CCNY: variants seen among roughly 807,000 people sequenced by gnomAD.
CCNY encodes the protein cyclin Y.
Under a neutral mutation model 42.8 loss-of-function variants are expected in CCNY, and 19 were observed. The ratio of observed to expected loss-of-function variants is 0.44; its 90% CI spans 0.31 to 0.65. The LOEUF (loss-of-function observed/expected upper bound fraction) is 0.65, where lower values mean the gene tolerates loss of function less well. Among genes scored for constraint, CCNY ranks in the 30% least tolerant of loss-of-function variants. The pLI, the probability that CCNY is intolerant of heterozygous loss-of-function variation, is 0.07. For missense variants in CCNY, 370 were observed against 437.3 expected, an observed-to-expected ratio of 0.85 and a Z score of 1.37; for synonymous variants, 165 against 162.7, an observed-to-expected ratio of 1.01 and a Z score of -0.11.
chr10:35,515,554 G>A lies in CCNY; in HGVS notation c.265-969G>A, dbSNP rs142618429. On this transcript the variant is annotated intron_variant, in intron 3 of 9. Coordinates refer to ENST00000374704, the MANE Select transcript of CCNY (RefSeq NM_145012.6). ...TGTACACCCAGGGTGTGTTGCAGGC[G>A]GGCAGGTCAGGCAGAAGACATTGTG... Among the ~76,000 whole-genome samples the A allele has an allele frequency of 3.6e-3, 542 of 152,210 alleles. 5 individuals carry two copies. Among genetic ancestry groups the A allele is most frequent in the African/African-American group, 0.013 (524 of 41,528 alleles).
At chr10:35,543,609 T>C (rs1841049056) in intron 7 of CCNY, among the ~76,000 whole-genome samples, 1 of 151,216 alleles carries the variant, frequency 6.6e-6, no homozygotes, top group Non-Finnish European at 1.5e-5. Context: ...ACGGTACATA[T>C]AATACTTGAT....
At chr10:35,347,879 A>G (rs887582150) in intron 1 of CCNY, among the ~76,000 whole-genome samples, 1 of 152,172 alleles carries the variant, frequency 6.6e-6, no homozygotes, top group African/African-American at 2.4e-5. Context: ...TAGTTGTTTA[A>G]AAGTCCAGGT....
chr10:35,308,092 C>T (rs956568296), intron 3 of CCNY, among the ~76,000 whole-genome samples: 2 of 151,012 alleles, frequency 1.3e-5, no homozygotes, highest in African/African-American at 4.9e-5. Context: ...GCTGGGATTA[C>T]AGGCATAAGC....
rs567630208 is a variant in CCNY at position 35,572,160 on chromosome 10, A to G, written c.*2990A>G. ...CCTGCTCTCGGGCTTGGGCAGAGCC[A>G]TCTCCATCCTGGGGTTTCCTTTAAG... is the stretch of plus-strand genomic sequence containing the variant. On this transcript the variant is annotated 3_prime_UTR_variant, in exon 10 of 10. Transcript: ENST00000374704. 1.7e-3 allele frequency: 263 copies of G among 152,352 alleles called. No homozygotes were observed. The highest frequency in any genetic ancestry group is 3.4e-3 in the Middle Eastern group (1 of 294). 9.4% of individuals were successfully genotyped at this position (152,352 alleles called of 1,614,324 possible). A position where few individuals can be genotyped will look rare whatever the true frequency, so the allele number is the denominator to read the frequency against.
rs185487596 is a variant in CCNY, at chr10:35,422,074, T to C, written c.155-61330T>C. On this transcript the variant is annotated intron_variant, in intron 1 of 9. Coordinates refer to ENST00000374704, the MANE Select transcript of CCNY (RefSeq NM_145012.6). ...GCCTGCACTCTTAAATGCTATTCTA[T>C]ATTCTTTTTAAAACATTTTTTTGAC... 5.3e-4 allele frequency among the ~76,000 whole-genome samples: 80 copies of C among 152,318 alleles called. 1 individual carries two copies. Among genetic ancestry groups the C allele is most frequent in the Non-Finnish European group, 9.9e-4 (67 of 68,020 alleles).
rs111396004 is a variant in CCNY at position 35,488,554 on chromosome 10, G to C, written c.229+5076G>C. On this transcript the variant is annotated intron_variant, in intron 2 of 9. Coordinates refer to ENST00000374704, the MANE Select transcript of CCNY (RefSeq NM_145012.6). Reference sequence around the variant, plus strand: ...CAGTTGCTCGGTGTGTCTCCTTCAGGGCATGTCAAGTGCCATAGGGAAGAC... The same window carrying C: ...CAGTTGCTCGGTGTGTCTCCTTCAGCGCATGTCAAGTGCCATAGGGAAGAC... 3.4e-3 allele frequency among the ~76,000 whole-genome samples: 510 copies of C among 152,092 alleles called. 4 individuals are homozygous for C. Among genetic ancestry groups the C allele is most frequent in the African/African-American group, 0.012 (480 of 41,404 alleles).
chr10:35,268,444 C>G (rs1191844766), intron 3 of CCNY, among the ~76,000 whole-genome samples: 1 of 152,174 alleles, frequency 6.6e-6, no homozygotes, highest in Non-Finnish European at 1.5e-5. Flanking sequence ...GGCTTCCCTG[C>G]CCCCGTGGTT....
intron 3 of CCNY, among the ~76,000 whole-genome samples, chr10:35,257,389 C>A (rs1056043090): frequency 6.6e-6 from 1 of 151,172 alleles, no homozygotes; most frequent in African/African-American, 2.4e-5. Flanking sequence ...GTGATCCTCT[C>A]TCCTCAGTCT....
At chr10:35,505,963 T>C (rs1301177623) in intron 3 of CCNY, among the ~76,000 whole-genome samples, 3 of 152,206 alleles carry the variant, frequency 2.0e-5, no homozygotes, top group Admixed American at 6.5e-5. Context: ...GAGGTAGGAA[T>C]AGGAGTCCTT....
chr10:35,535,029 G>GTGTGTGTA (rs1321674604), intron 7 of CCNY, among the ~76,000 whole-genome samples: 27 of 120,308 alleles, frequency 2.2e-4, no homozygotes, highest in Non-Finnish European at 3.3e-4. Context: ...GTGTGTGTGT[G>GTGTGTGTA]TGTATGTATA....
intron 1 of CCNY, among the ~76,000 whole-genome samples, chr10:35,449,597 G>A (rs1190322299): frequency 2.0e-5 from 3 of 151,918 alleles, no homozygotes; most frequent in Non-Finnish European, 2.9e-5. Context: ...TAATTACTAC[G>A]CGTGCCTGTG....
At chr10:35,567,918 G>A (rs762442318) in intron 9 of CCNY, among the ~76,000 whole-genome samples, 4 of 152,150 alleles carry the variant, frequency 2.6e-5, no homozygotes, top group Non-Finnish European at 5.9e-5. Flanking sequence ...TCCCTCTGCA[G>A]GACTTCCTGA....
intron 2 of CCNY, among the ~76,000 whole-genome samples, chr10:35,489,511 A>G (rs922555435): frequency 8.5e-5 from 13 of 152,110 alleles, no homozygotes; most frequent in African/African-American, 3.1e-4. Context: ...CATGTTAGCC[A>G]GGGTGGTCTC....
intron 1 of CCNY, among the ~76,000 whole-genome samples, chr10:35,477,591 T>G (rs1419237794): frequency 2.0e-5 from 3 of 151,920 alleles, no homozygotes; most frequent in Non-Finnish European, 4.4e-5. Flanking sequence ...TCAACAACCC[T>G]TCATGCTAAA....
intron 1 of CCNY, among the ~76,000 whole-genome samples, chr10:35,434,590 G>A (rs1388958624): frequency 6.6e-6 from 1 of 152,204 alleles, no homozygotes. Context: ...TTGCCCTTAA[G>A]TGATCCTTTG....
intron 3 of CCNY, among the ~76,000 whole-genome samples, chr10:35,266,121 A>G: frequency 6.6e-6 from 1 of 151,994 alleles, no homozygotes; most frequent in Non-Finnish European, 1.5e-5. Flanking sequence ...TCTGTCCCCC[A>G]GGCTGGAGTG....
At chr10:35,473,954 C>G (rs1012706816) in intron 1 of CCNY, among the ~76,000 whole-genome samples, 9 of 152,114 alleles carry the variant, frequency 5.9e-5, no homozygotes, top group Admixed American at 5.9e-4. Context: ...ATGCGCGAGC[C>G]GAAGCAGGGC....
At chr10:35,544,093 T>G (rs1841061913) in intron 7 of CCNY, among the ~76,000 whole-genome samples, 1 of 152,230 alleles carries the variant, frequency 6.6e-6, no homozygotes, top group Non-Finnish European at 1.5e-5. Context: ...TAAGTTTAAT[T>G]TATTATTACA....
intron 3 of CCNY, among the ~76,000 whole-genome samples, chr10:35,259,495 GTTTTTTTTTT>G (rs35988898): frequency 1.5e-5 from 1 of 65,146 alleles, no homozygotes; most frequent in South Asian, 6.2e-4. Flanking sequence ...AGTCCTGGTT[GTTTTTTTTTT>G]TTTTTTTTTT....
Sources: allele counts gnomAD v4.1 joint callset (sites outside exome capture counted in the v4.1 genomes callset), GRCh38; gene constraint gnomAD v4.1.1; transcripts MANE v1.5; gene names NCBI Gene and HGNC (gene_info 2026-07-23, HGNC 2026-07-21).